Variants in NOLC1 observed in about 807,000 individuals in gnomAD.
The protein encoded by NOLC1 is nucleolar and coiled-body phosphoprotein 1, also known as 140 kDa nucleolar phosphoprotein.
NOLC1 carries 37 observed loss-of-function variants against 73.4 expected under a neutral mutation model. That is an observed-to-expected ratio of 0.50 (90% CI 0.39 to 0.66). The LOEUF (loss-of-function observed/expected upper bound fraction) is 0.66. Ranked by LOEUF, NOLC1 falls within the 30% of genes least tolerant of loss-of-function variation. The pLI, the probability that NOLC1 is intolerant of heterozygous loss-of-function variation, is 0.00. For missense variants in NOLC1, 921 were observed against 838.9 expected, an observed-to-expected ratio of 1.10 and a Z score of -1.21; for synonymous variants, 327 against 302.6, an observed-to-expected ratio of 1.08 and a Z score of -0.84.
Position 102,160,910 on chromosome 10 carries a change from T to G in NOLC1, c.1558T>G (p.Ser520Ala). ...AGGAAAGGCTGAGAGCAGCAACAGT[T>G]CTTCTTCTGATGACTCCAGTGAGGA... Reference protein sequence around the residue: ...KKGKAESSNSSSSDDSSEEEE... With the variant: ...KKGKAESSNSASSDDSSEEEE... Residue 520 changes from serine (S) to alanine (A), a missense_variant, in exon 10 of 13, where the codon TCT becomes GCT. By Grantham distance (99) the Ser-to-Ala change is moderately conservative. Coordinates refer to ENST00000605788, the MANE Select transcript of NOLC1 (RefSeq NM_004741.5). 1 of 1,613,704 alleles carries G rather than the reference T, an allele frequency of 6.2e-7. No homozygotes were observed. Among genetic ancestry groups the G allele is most frequent in the African/African-American group, 1.3e-5 (1 of 74,924 alleles).
chr10:102,160,196 A>G, intron 8 of NOLC1, 37 bp from the exon 9 acceptor site: 4 of 1,602,748 alleles, frequency 2.5e-6, no homozygotes, highest in Non-Finnish European at 3.4e-6. Flanking sequence ...TTGGGTTGGG[A>G]CTCTGGACCC....
Position 102,161,019 on chromosome 10 carries a change from A to G in NOLC1, c.1667A>G (p.Asn556Ser), listed in dbSNP as rs1278205154. The G allele has an allele frequency of 6.2e-7, 1 of 1,614,030 alleles. No individual in the cohort carries two copies. Among genetic ancestry groups the G allele is most frequent in the South Asian group, 1.1e-5 (1 of 91,062 alleles). The change falls in exon 10 of 13, where the codon AAT becomes AGT. Residue 556 changes from asparagine to serine, a missense_variant. Transcript: ENST00000605788. ...GGCACCTCTGCACTGACTGCCCAGA[A>G]TGGAAAAGCAGCTAAGAACAGTGAG... ...ANGTSALTAQ[N>S]GKAAKNSEEE...
At chr10:102,153,435 G>T (rs1021980780) in intron 1 of NOLC1, among the ~76,000 whole-genome samples, 1 of 152,216 alleles carries the variant, frequency 6.6e-6, no homozygotes, top group Middle Eastern at 3.4e-3. Flanking sequence ...AGAGGAGAGA[G>T]GGGGGGTCTT....
At chr10:102,152,748 T>C (rs1268347856) in intron 1 of NOLC1, among the ~76,000 whole-genome samples, 1 of 152,186 alleles carries the variant, frequency 6.6e-6, no homozygotes, top group Non-Finnish European at 1.5e-5. Flanking sequence ...CTTGTTGCTT[T>C]TTTCTTGTGA....
intron 1 of NOLC1, among the ~76,000 whole-genome samples, chr10:102,155,083 T>G (rs1033411832): frequency 6.8e-6 from 1 of 146,852 alleles, no homozygotes; most frequent in Non-Finnish European, 1.5e-5. Context: ...AGTGCAATGG[T>G]GCAATCTCGG....
intron 1 of NOLC1, among the ~76,000 whole-genome samples, chr10:102,156,635 A>G (rs2069599922): frequency 1.3e-5 from 2 of 152,168 alleles, no homozygotes; most frequent in South Asian, 4.2e-4. Context: ...GGGTTTCACC[A>G]TGTTGGCCAG....
intron 4 of NOLC1, 116 bp from the exon 5 acceptor site, chr10:102,157,933 T>TA: frequency 2.1e-6 from 2 of 935,138 alleles, no homozygotes; most frequent in Non-Finnish European, 3.2e-6. Context: ...ATCCTGTCCT[T>TA]AGCTTTCTTT....
At position 102,158,202 on chromosome 10, in the gene NOLC1, C is replaced by T. The variant is rs200844593; in HGVS notation, c.595C>T (p.Pro199Ser). The change falls in exon 5 of 13, where the codon CCT (proline) becomes TCT (serine). Residue 199 changes from proline (P) to serine (S), a missense_variant. By Grantham distance (74) the Pro-to-Ser change is moderately conservative. Coordinates refer to ENST00000605788, the MANE Select transcript of NOLC1 (RefSeq NM_004741.5). ...GACAGTTAAAGCTCAGACTAAAGCCCCTCCCAAACCAGGTACTGTTTCTGT... is the reference window on the plus strand; with the variant it reads ...GACAGTTAAAGCTCAGACTAAAGCCTCTCCCAAACCAGGTACTGTTTCTGT... ...PVTVKAQTKA[P>S]PKPARAAPKI... is the part of the protein sequence containing the mutation. 30 of 1,613,808 alleles carry T rather than the reference C, an allele frequency of 1.9e-5. No homozygotes were observed. The highest frequency in any genetic ancestry group is 3.3e-4 in the Middle Eastern group (2 of 6,084).
Position 102,161,923 on chromosome 10 carries a change from A to AAGCG in NOLC1, c.1941_1941+1insCGAG (p.Gly649AlafsTer26), listed in dbSNP as rs747539976. The stretch of plus-strand genomic sequence containing the variant: ...AGTTGCGGACAACTCCTTTGATGCC[A>AAGCG]AGGTGAGAGAGAGATCTGTGCCATT... On this transcript the variant is annotated frameshift_variant and splice_region_variant, in exon 12 of 13. Transcript: ENST00000605788. LOFTEE classifies it high-confidence loss of function. 1 of 1,613,982 alleles carries AAGCG rather than the reference A, an allele frequency of 6.2e-7. No homozygotes were observed. The highest frequency in any genetic ancestry group is 8.5e-7 in the Non-Finnish European group (1 of 1,179,834).
chr10:102,152,560 G>C (rs748939408), intron 1 of NOLC1, 30 bp downstream of exon 1: 1 of 1,612,420 alleles, frequency 6.2e-7, no homozygotes, highest in Non-Finnish European at 8.5e-7. Context: ...CGGGGACCGG[G>C]CTGAGATGAC....
At chr10:102,161,519 A>G (rs748676011) in intron 10 of NOLC1, 37 bp from the exon 11 acceptor site, 10 of 1,513,384 alleles carry the variant, frequency 6.6e-6, no homozygotes, top group Non-Finnish European at 9.2e-6. Flanking sequence ...GTTGTGAGCC[A>G]CTGTACTCGG....
rs370767814 is a variant in NOLC1, at chr10:102,162,007, ATC to A, written c.1941+84_1941+85del. On this transcript the variant is annotated intron_variant, in intron 12 of 12. Coordinates refer to ENST00000605788, the MANE Select transcript of NOLC1 (RefSeq NM_004741.5). ...CAATTCTTGGTTCAGGTTGGTGGGA[ATC>A]TTCTCTGGGTTCAGGTTTCCTTGAG... 2.1e-5 allele frequency: 33 copies of A among 1,603,162 alleles called. No homozygotes were observed. In the African/African-American group the frequency reaches 2.9e-4, roughly 14 times the overall value.
At chr10:102,154,577 G>T (rs2069559209) in intron 1 of NOLC1, among the ~76,000 whole-genome samples, 1 of 151,886 alleles carries the variant, frequency 6.6e-6, no homozygotes, top group African/African-American at 2.4e-5. Flanking sequence ...GTGCAGTGGT[G>T]CAATCTCAGC....
At position 102,160,975 on chromosome 10, in the gene NOLC1, A is replaced by G; in HGVS notation, c.1623A>G (p.Pro541=). The change falls in exon 10 of 13, where the codon CCA becomes CCG. Residue 541 remains proline (P), a synonymous_variant. Coordinates refer to ENST00000605788, the MANE Select transcript of NOLC1 (RefSeq NM_004741.5). ...EKLKGKGSPR[P]QAPKANGTSA... is the part of the protein sequence containing the mutation. ...TCAAGGGCAAGGGCTCTCCAAGACC[A>G]CAAGCCCCCAAGGCCAATGGCACCT... is the stretch of plus-strand genomic sequence containing the variant. 1 of 1,614,180 alleles carries G rather than the reference A, an allele frequency of 6.2e-7. No homozygotes were observed. Among genetic ancestry groups the G allele is most frequent in the South Asian group, 1.1e-5 (1 of 91,086 alleles).
chr10:102,162,004 G>C, intron 12 of NOLC1, 79 bp downstream of exon 12: 1 of 1,602,454 alleles, frequency 6.2e-7, no homozygotes, highest in Non-Finnish European at 8.5e-7. Context: ...CAGGTTGGTG[G>C]GAATCTTCTC....
rs371471398 is a variant in NOLC1, at chr10:102,160,825, G to C, written c.1473G>C (p.Lys491Asn). The part of the protein sequence containing the change: ...EEEKTSKSAV[K>N]KKPQKVAGGA... ...AGAAGACATCTAAGTCTGCAGTTAA[G>C]AAGAAGCCACAGAAGGTAGCAGGAG... Residue 491 changes from lysine to asparagine, a missense_variant, in exon 10 of 13, where the codon AAG becomes AAC. Physicochemically the swap from Lys to Asn is moderately conservative, Grantham distance 94. Coordinates refer to ENST00000605788, the MANE Select transcript of NOLC1 (RefSeq NM_004741.5). 6.2e-7 allele frequency: 1 copy of C among 1,614,016 alleles called. No homozygotes were observed. Among genetic ancestry groups the C allele is most frequent in the African/African-American group, 1.3e-5 (1 of 74,888 alleles).
Position 102,160,824 on chromosome 10 carries a change from A to G in NOLC1, c.1472A>G (p.Lys491Arg), listed in dbSNP as rs753390145. 2.0e-5 allele frequency: 33 copies of G among 1,614,050 alleles called. No homozygotes were observed. Among genetic ancestry groups the G allele is most frequent in the Admixed American group, 1.8e-4 (11 of 60,004 alleles). The change falls in exon 10 of 13, where the codon AAG becomes AGG. Residue 491 changes from lysine (K) to arginine (R), a missense_variant. Coordinates refer to ENST00000605788, the MANE Select transcript of NOLC1 (RefSeq NM_004741.5). ...GAGAAGACATCTAAGTCTGCAGTTA[A>G]GAAGAAGCCACAGAAGGTAGCAGGA... ...EEEKTSKSAVKKKPQKVAGGA... is the reference protein window; with the variant it reads ...EEEKTSKSAVRKKPQKVAGGA...
rs2069720718 is a variant in NOLC1 at position 102,162,133 on chromosome 10, G to C, written c.1964G>C (p.Gly655Ala). The change falls in exon 13 of 13, where the codon GGA becomes GCA. Residue 655 changes from glycine to alanine, a missense_variant. By Grantham distance (60) the Gly-to-Ala change is moderately conservative. Transcript: ENST00000605788. ...DAKRGAAGDW[G>A]ERANQVLKFT... Reference sequence around the variant, plus strand: ...CAGCGAGGTGCAGCCGGAGACTGGGGAGAGCGAGCCAATCAGGTTTTGAAG... The same window carrying C: ...CAGCGAGGTGCAGCCGGAGACTGGGCAGAGCGAGCCAATCAGGTTTTGAAG... 1.9e-6 allele frequency: 3 copies of C among 1,613,994 alleles called. No homozygotes were observed. The highest frequency in any genetic ancestry group is 2.5e-6 in the Non-Finnish European group (3 of 1,180,024).
chr10:102,160,496 G>C lies in NOLC1; in HGVS notation c.1144G>C (p.Gly382Arg). The C allele has an allele frequency of 6.2e-7, 1 of 1,614,158 alleles. No individual in the cohort carries two copies. Among genetic ancestry groups the C allele is most frequent in the African/African-American group, 1.3e-5 (1 of 75,046 alleles). ...TGATGAAGCTCCTTCTAAGCCAGCT[G>C]GTACCACCAAGAATTCTTCAAATAA... ...EDDEAPSKPA[G>R]TTKNSSNKPA... Residue 382 changes from glycine (G) to arginine (R), a missense_variant, in exon 10 of 13, where the codon GGT becomes CGT. Coordinates refer to ENST00000605788, the MANE Select transcript of NOLC1 (RefSeq NM_004741.5).
Sources: allele counts gnomAD v4.1 joint callset (sites outside exome capture counted in the v4.1 genomes callset), GRCh38; gene constraint gnomAD v4.1.1; transcripts MANE v1.5; gene names NCBI Gene and HGNC (gene_info 2026-07-23, HGNC 2026-07-21).